Variants in COL9A1 observed in about 807,000 individuals in gnomAD.
COL9A1 encodes collagen type IX alpha 1 chain.
A neutral mutation model predicts 142.6 loss-of-function variants in COL9A1; 104 were observed. The ratio of observed to expected loss-of-function variants is 0.73; its 90% CI spans 0.62 to 0.86. COL9A1 has a LOEUF of 0.86. COL9A1 is among the 40% of genes least tolerant of loss of function. COL9A1 has a pLI of 0.00. For synonymous variants in COL9A1, 466 were observed against 396.0 expected (o/e 1.18, Z -2.10); for missense variants, 1,210 against 1,176.6 (o/e 1.03, Z -0.42).
chr6:70,283,838 ACAGT>A lies in COL9A1; in HGVS notation c.697-22_697-19del. The A allele has an allele frequency of 6.3e-7, 1 of 1,583,512 alleles. No individual in the cohort carries two copies. The highest frequency in any genetic ancestry group is 1.1e-5 in the South Asian group (1 of 87,362). ...AGTTCAAACTGGAGAAAGGTAGTAG[ACAGT>A]CAGGTAAGGTTTTTTGGACGACTGA... On this transcript the variant is annotated intron_variant, in intron 5 of 37. Coordinates refer to ENST00000357250, the MANE Select transcript of COL9A1 (RefSeq NM_001851.6).
At chr6:70,250,555 G>T (rs1770875922) in intron 28 of COL9A1, among the ~76,000 whole-genome samples, 1 of 152,258 alleles carries the variant, frequency 6.6e-6, no homozygotes, top group South Asian at 2.1e-4. Context: ...CCTGGTGGAA[G>T]TCGGCTGACA....
In COL9A1 at chr6:70,266,735, T is replaced by G; in HGVS notation, c.1323A>C (p.Pro441=). ...TCCTTACCTTGTGTCCTTGTCTTCC[T>G]GGTTCACCAATTTCTCCTTTAGCCC... ...HKGAKGEIGE[P]GRQGHKGEEG... Residue 441 remains proline, a synonymous_variant, in exon 18 of 38, where the codon CCA becomes CCC. Transcript: ENST00000357250. 6.2e-7 allele frequency: 1 copy of G among 1,613,474 alleles called. No homozygotes were observed. Among genetic ancestry groups the G allele is most frequent in the Non-Finnish European group, 8.5e-7 (1 of 1,179,466 alleles).
intron 8 of COL9A1, 82 bp from the exon 9 acceptor site, chr6:70,281,121 C>T: frequency 2.5e-6 from 3 of 1,203,734 alleles, no homozygotes; most frequent in Non-Finnish European, 3.6e-6. Flanking sequence ...CAGGAGAGCT[C>T]ACTTCACAGA....
chr6:70,280,612 G>T, intron 10 of COL9A1, 200 bp downstream of exon 10: 1 of 1,295,080 alleles, frequency 7.7e-7, no homozygotes. Flanking sequence ...CCTAGAGAGA[G>T]GTATCCTCAC....
At chr6:70,221,814 C>G (rs1768896162) in intron 37 of COL9A1, among the ~76,000 whole-genome samples, 1 of 152,116 alleles carries the variant, frequency 6.6e-6, no homozygotes, top group African/African-American at 2.4e-5. Flanking sequence ...TCCCAATGGG[C>G]AAGTTTGGTG....
chr6:70,239,649 A>G (rs2127563593), intron 32 of COL9A1, among the ~76,000 whole-genome samples: 1 of 152,302 alleles, frequency 6.6e-6, no homozygotes, highest in South Asian at 2.1e-4. Context: ...AGACATTTAG[A>G]CCTGATGACT....
intron 21 of COL9A1, among the ~76,000 whole-genome samples, chr6:70,255,645 T>C (rs1041056455): frequency 6.6e-6 from 1 of 152,234 alleles, no homozygotes; most frequent in African/African-American, 2.4e-5. Flanking sequence ...TGTGTTCTTG[T>C]GTGTAACATA....
At chr6:70,234,700 A>C in intron 34 of COL9A1, 94 bp downstream of exon 34, 1 of 1,606,512 alleles carries the variant, frequency 6.2e-7, no homozygotes, top group South Asian at 1.1e-5. Context: ...CTGGATTTAC[A>C]AGAGAACTTG....
intron 5 of COL9A1, among the ~76,000 whole-genome samples, chr6:70,291,147 A>G (rs1773643492): frequency 6.6e-6 from 1 of 152,162 alleles, no homozygotes; most frequent in Non-Finnish European, 1.5e-5. Context: ...ACAAGGGACT[A>G]AGGACAACTC....
chr6:70,244,880 T>C (rs958629357), intron 28 of COL9A1, among the ~76,000 whole-genome samples: 1 of 152,190 alleles, frequency 6.6e-6, no homozygotes, highest in Non-Finnish European at 1.5e-5. Context: ...TGGTAATATA[T>C]ATGAATGAAC....
chr6:70,232,749 G>A lies in COL9A1; in HGVS notation c.2337C>T (p.Ala779=), dbSNP rs1173495984. Residue 779 remains alanine, a synonymous_variant, in exon 36 of 38, where the codon GCC becomes GCT. Coordinates refer to ENST00000357250, the MANE Select transcript of COL9A1 (RefSeq NM_001851.6). The part of the protein sequence containing the change: ...VIQEHFAEMA[A]SLKRPDSGAT... ...CACCTGAGTCTGGACGCTTAAGACT[G>A]GCAGCCATCTCAGCAAAATGTTCTA... 6.2e-7 allele frequency: 1 copy of A among 1,613,506 alleles called. No homozygotes were observed. The highest frequency in any genetic ancestry group is 2.2e-5 in the East Asian group (1 of 44,870).
intron 33 of COL9A1, among the ~76,000 whole-genome samples, chr6:70,237,574 T>C (rs1769994525): frequency 6.6e-6 from 1 of 152,218 alleles, no homozygotes; most frequent in African/African-American, 2.4e-5. Context: ...TGAATGCAAT[T>C]AACTTATTCT....
intron 4 of COL9A1, among the ~76,000 whole-genome samples, chr6:70,295,450 C>T (rs145485528): frequency 2.0e-5 from 3 of 151,890 alleles, no homozygotes; most frequent in East Asian, 3.9e-4. Context: ...TTATGCCTGG[C>T]TAATTTTTTG....
chr6:70,232,653 G>T lies in COL9A1; in HGVS notation c.2433C>A (p.Gly811=), dbSNP rs1300529526. The change falls in exon 36 of 38, where the codon GGC becomes GGA. Residue 811 remains glycine (G), a synonymous_variant. Coordinates refer to ENST00000357250, the MANE Select transcript of COL9A1 (RefSeq NM_001851.6). The part of the protein sequence containing the change: ...PGPPGENGFP[G]QMGIRGLPGI... ...CCGGAAGGCCACGAATTCCCATCTG[G>T]CCTGGGAAACCATTCTCTCCAGGAG... The T allele has an allele frequency of 1.2e-6, 2 of 1,614,086 alleles. No individual in the cohort carries two copies. Among genetic ancestry groups the T allele is most frequent in the Non-Finnish European group, 1.7e-6 (2 of 1,180,036 alleles).
At chr6:70,232,956 C>T (rs1055126462) in intron 35 of COL9A1, among the ~76,000 whole-genome samples, 185 bp from the exon 36 acceptor site, 1 of 152,046 alleles carries the variant, frequency 6.6e-6, no homozygotes, top group African/African-American at 2.4e-5. Context: ...TTCGCTGGTG[C>T]TGTTTGATGC....
intron 32 of COL9A1, 27 bp from the exon 33 acceptor site, chr6:70,239,313 A>G: frequency 7.7e-6 from 11 of 1,419,996 alleles, no homozygotes; most frequent in Non-Finnish European, 1.1e-5. Context: ...AATTTATGTT[A>G]GAACAATGTA....
intron 37 of COL9A1, among the ~76,000 whole-genome samples, chr6:70,222,118 C>T (rs1387286948): frequency 6.6e-6 from 1 of 152,120 alleles, no homozygotes; most frequent in Non-Finnish European, 1.5e-5. Flanking sequence ...TATTACCTGA[C>T]AGACTTTTGT....
In COL9A1 at chr6:70,230,326, C is replaced by A. The variant is rs184332468; in HGVS notation, c.2503+2257G>T. Among the ~76,000 whole-genome samples the A allele has an allele frequency of 3.3e-5, 5 of 152,180 alleles. No individual in the cohort carries two copies. The East Asian group carries it at 5.8e-4, about 18-fold the overall frequency. On this transcript the variant is annotated intron_variant, in intron 36 of 37. Coordinates refer to ENST00000357250, the MANE Select transcript of COL9A1 (RefSeq NM_001851.6). ...TTAATTGATTTTAAAAATTTAATTA[C>A]CGCTCCCTACCTCCACCCCAAATTC...
chr6:70,246,513 C>A (rs185781267), intron 28 of COL9A1, among the ~76,000 whole-genome samples: 1 of 152,196 alleles, frequency 6.6e-6, no homozygotes, highest in Non-Finnish European at 1.5e-5. Context: ...CACTAGATGT[C>A]CTCCCCCCAA....
Sources: allele counts gnomAD v4.1 joint callset (sites outside exome capture counted in the v4.1 genomes callset), GRCh38; gene constraint gnomAD v4.1.1; transcripts MANE v1.5; gene names NCBI Gene and HGNC (gene_info 2026-07-23, HGNC 2026-07-21).